Variants in PSMC5 observed in about 807,000 individuals in gnomAD.
The protein encoded by PSMC5 is proteasome 26S subunit, ATPase 5.
PSMC5 carries 11 observed loss-of-function variants against 49.1 expected under a neutral mutation model. The ratio of observed to expected loss-of-function variants is 0.22; its 90% confidence interval spans 0.14 to 0.37. The LOEUF is 0.37. PSMC5 is among the 10% of genes least tolerant of loss of function. The pLI, the probability that PSMC5 is intolerant of heterozygous loss-of-function variation, is 1.00. For synonymous variants in PSMC5, 206 were observed against 192.2 expected, an observed-to-expected ratio of 1.07 and a Z score of -0.59; for missense variants, 229 against 520.9, an observed-to-expected ratio of 0.44 and a Z score of 5.45.
In PSMC5 at chr17:63,831,493, T is replaced by C; in HGVS notation, c.970-13T>C. 6.2e-7 allele frequency: 1 copy of C among 1,613,894 alleles called. No individual in the cohort carries two copies. Among genetic ancestry groups the C allele is most frequent in the Middle Eastern group, 1.6e-4 (1 of 6,062 alleles). ...TGGGGTGTGGGGCTCAGGCTTTTCC[T>C]TGCCATCTCCAGGCCCGGCTGGACA... On this transcript the variant is annotated splice_polypyrimidine_tract_variant and intron_variant, in intron 9 of 11. Transcript: ENST00000310144. This position sits in a 1 kb window ranked among gnomAD's most constrained non-coding sequence, Gnocchi z 6.3.
At chr17:63,829,591 T>C (rs1279180028) in intron 3 of PSMC5, 28 bp downstream of exon 3, 1 of 1,550,784 alleles carries the variant, frequency 6.4e-7, no homozygotes, top group Non-Finnish European at 8.7e-7. Context: ...GGAAGCCGCA[T>C]GTGGGCAGTT....
chr17:63,828,178 A>G lies in PSMC5; in HGVS notation c.65A>G (p.Gln22Arg). 1 of 1,611,928 alleles carries G rather than the reference A, an allele frequency of 6.2e-7. No homozygotes were observed. Among genetic ancestry groups the G allele is most frequent in the South Asian group, 1.1e-5 (1 of 90,996 alleles). ...EEGKAGSGLR[Q>R]YYLSKIEELQ... ...GGGAAGGCAGGCAGCGGACTCCGCC[A>G]ATATTATCTGTCCAAGATTGAAGAA... Residue 22 changes from glutamine to arginine, a missense_variant, in exon 2 of 12, where the codon CAA (glutamine) becomes CGA (arginine). Coordinates refer to ENST00000310144, the MANE Select transcript of PSMC5 (RefSeq NM_002805.6).
rs1464296185 is a variant in PSMC5 at position 63,831,850 on chromosome 17, C to T, written c.1167+40C>T. ...CTTTGTGCCTTTGCCAGTGGTGGCT[C>T]TGGGGCAGTGGGCTAGGGCATGTGT... is the stretch of plus-strand genomic sequence containing the variant. On this transcript the variant is annotated intron_variant, in intron 11 of 11. Transcript: ENST00000310144. The surrounding 1 kb of genome is among the most constrained non-coding windows in gnomAD (Gnocchi z 6.3). The T allele has an allele frequency of 2.5e-6, 4 of 1,613,068 alleles. No individual in the cohort carries two copies. The highest frequency in any genetic ancestry group is 3.4e-6 in the Non-Finnish European group (4 of 1,179,158).
chr17:63,829,612 CT>C (rs1274566339), intron 3 of PSMC5, 49 bp downstream of exon 3: 1 of 1,511,488 alleles, frequency 6.6e-7, no homozygotes, highest in Non-Finnish European at 9.0e-7. Context: ...TGTCTGAGGT[CT>C]GTCCTTATCT....
At chr17:63,828,343 C>T (rs1474851398) in intron 2 of PSMC5, 134 bp downstream of exon 2, 15 of 829,864 alleles carry the variant, frequency 1.8e-5, no homozygotes, top group African/African-American at 3.4e-5. Context: ...TGTTTCTTAG[C>T]TAGTAGGGTG....
At chr17:63,829,649 GCT>G in intron 3 of PSMC5, 86 bp downstream of exon 3, 1 of 1,391,198 alleles carries the variant, frequency 7.2e-7, no homozygotes, top group Non-Finnish European at 1.0e-6. Context: ...TCACAGCAGT[GCT>G]TACTGTTTTC....
chr17:63,831,583 G>A lies in PSMC5; in HGVS notation c.1047G>A (p.Glu349=), dbSNP rs770501716. 8.1e-6 allele frequency: 13 copies of A among 1,614,136 alleles called. No individual in the cohort carries two copies. Among genetic ancestry groups the A allele is most frequent in the Non-Finnish European group, 1.1e-5 (13 of 1,180,038 alleles). The part of the protein sequence containing the change: ...TRGINLRKIA[E]LMPGASGAEV... Reference sequence around the variant, plus strand: ...GGATCAACCTGAGAAAAATTGCTGAGCTCATGCCAGGAGCATCAGGGGCTG... The same window carrying A: ...GGATCAACCTGAGAAAAATTGCTGAACTCATGCCAGGAGCATCAGGGGCTG... The change falls in exon 10 of 12, where the codon GAG becomes GAA. Residue 349 remains glutamate (E), a synonymous_variant. Transcript: ENST00000310144. The surrounding 1 kb of genome is among the most constrained non-coding windows in gnomAD (Gnocchi z 6.3).
chr17:63,831,620 A>C lies in PSMC5; in HGVS notation c.1080+4A>C. 6.2e-7 allele frequency: 1 copy of C among 1,614,062 alleles called. No homozygotes were observed. The highest frequency in any genetic ancestry group is 8.5e-7 in the Non-Finnish European group (1 of 1,179,922). Reference sequence around the variant, plus strand: ...AGCATCAGGGGCTGAAGTGAAGGTAATTGGAGTACCCACTGAAAACAGGGC... The same window carrying C: ...AGCATCAGGGGCTGAAGTGAAGGTACTTGGAGTACCCACTGAAAACAGGGC... On this transcript the variant is annotated splice_donor_region_variant and intron_variant, in intron 10 of 11. Transcript: ENST00000310144. This position sits in a 1 kb window ranked among gnomAD's most constrained non-coding sequence, Gnocchi z 6.3.
chr17:63,828,243 T>C, intron 2 of PSMC5, 34 bp downstream of exon 2: 1 of 1,600,614 alleles, frequency 6.2e-7, no homozygotes, highest in Non-Finnish European at 8.6e-7. Context: ...CTAGGAAGGG[T>C]GATGATGGGG....
At position 63,829,475 on chromosome 17, in the gene PSMC5, T is replaced by C. The variant is rs752100682; in HGVS notation, c.97-19T>C. 4.5e-6 allele frequency: 7 copies of C among 1,551,842 alleles called. No individual in the cohort carries two copies. The highest frequency in any genetic ancestry group is 3.3e-4 in the Middle Eastern group (2 of 5,994). ...TCTCCTGCCCTTGAATAATGGAATT[T>C]GTCTCTTGTCTGCCACAGCTGATTG... On this transcript the variant is annotated intron_variant, in intron 2 of 11. Coordinates refer to ENST00000310144, the MANE Select transcript of PSMC5 (RefSeq NM_002805.6).
intron 1 of PSMC5, 67 bp from the exon 2 acceptor site, chr17:63,828,071 G>A: frequency 6.4e-7 from 1 of 1,569,280 alleles, no homozygotes; most frequent in Non-Finnish European, 8.8e-7. Context: ...TATTCAAAGT[G>A]CCCTGCAAGT....
At position 63,830,544 on chromosome 17, in the gene PSMC5, T is replaced by C. The variant is rs535013343; in HGVS notation, c.552+43T>C. 1 of 1,603,250 alleles carries C rather than the reference T, an allele frequency of 6.2e-7. No individual in the cohort carries two copies. The highest frequency in any genetic ancestry group is 2.2e-5 in the East Asian group (1 of 44,570). ...TCTGAGAGGGCCAAGCTGTACTTACTCCTCCTGCCCCAGCCAGCCCTACTG... is the reference window on the plus strand; with the variant it reads ...TCTGAGAGGGCCAAGCTGTACTTACCCCTCCTGCCCCAGCCAGCCCTACTG... On this transcript the variant is annotated intron_variant, in intron 6 of 11. Transcript: ENST00000310144. The surrounding 1 kb of genome is among the most constrained non-coding windows in gnomAD (Gnocchi z 4.0).
Position 63,827,433 on chromosome 17 carries a change from T to C in PSMC5, c.-58T>C, listed in dbSNP as rs1010766858. The C allele has an allele frequency of 1.9e-6, 3 of 1,551,516 alleles. No homozygotes were observed. The highest frequency in any genetic ancestry group is 2.6e-6 in the Non-Finnish European group (3 of 1,146,936). ...TGGTCTTCAGGTCCCAATCCTCCGCTTCCGCGCTTGCGCGCCAAGACGGCT... is the reference window on the plus strand; with the variant it reads ...TGGTCTTCAGGTCCCAATCCTCCGCCTCCGCGCTTGCGCGCCAAGACGGCT... On this transcript the variant is annotated 5_prime_UTR_variant, in exon 1 of 12. Transcript: ENST00000310144.
chr17:63,830,210 G>A lies in PSMC5; in HGVS notation c.321+21G>A. The A allele has an allele frequency of 6.2e-7, 1 of 1,613,998 alleles. No homozygotes were observed. Among genetic ancestry groups the A allele is most frequent in the Non-Finnish European group, 8.5e-7 (1 of 1,179,940 alleles). The stretch of plus-strand genomic sequence containing the variant: ...ATGATGTGAGTGTAGCAGGTGAGGT[G>A]GTGGTGGTGGTGGGGTCAGCTCTTA... On this transcript the variant is annotated intron_variant, in intron 5 of 11. Transcript: ENST00000310144. This position sits in a 1 kb window ranked among gnomAD's most constrained non-coding sequence, Gnocchi z 4.0.
At chr17:63,828,993 A>G (rs1465527355) in intron 2 of PSMC5, 1 of 154,124 alleles carries the variant, frequency 6.5e-6, no homozygotes, top group Non-Finnish European at 1.4e-5. Flanking sequence ...TTAGTTTACC[A>G]TTTTTGAATG....
chr17:63,829,829 C>T, intron 3 of PSMC5, 23 bp from the exon 4 acceptor site: 2 of 1,611,066 alleles, frequency 1.2e-6, no homozygotes, highest in Non-Finnish European at 1.7e-6. Context: ...GCTAGGTGAC[C>T]ACTGTGTCTG....
intron 1 of PSMC5, chr17:63,827,911 A>G: frequency 7.2e-7 from 1 of 1,395,098 alleles, no homozygotes; most frequent in Non-Finnish European, 9.4e-7. Flanking sequence ...GGTCCTCCTA[A>G]AAGTCGTATG....
In PSMC5 at chr17:63,831,251, G is replaced by A; in HGVS notation, c.870+25G>A. 1 of 1,600,472 alleles carries A rather than the reference G, an allele frequency of 6.2e-7. No homozygotes were observed. The highest frequency in any genetic ancestry group is 2.2e-5 in the East Asian group (1 of 44,588). ...GGTAAGGTGGTAGCATCCTTGGGATGGGCCCAGGGAAGGCCTGGGTGCCAC... is the reference window on the plus strand; with the variant it reads ...GGTAAGGTGGTAGCATCCTTGGGATAGGCCCAGGGAAGGCCTGGGTGCCAC... On this transcript the variant is annotated intron_variant, in intron 8 of 11. Transcript: ENST00000310144. The surrounding 1 kb of genome is among the most constrained non-coding windows in gnomAD (Gnocchi z 6.3).
intron 2 of PSMC5, 53 bp downstream of exon 2, chr17:63,828,262 C>A: frequency 1.3e-6 from 2 of 1,549,030 alleles, no homozygotes; most frequent in Non-Finnish European, 1.8e-6. Context: ...GGGATGGAAA[C>A]GGACTTCCAC....
Sources: gnomAD v4.1 joint callset for allele counts on GRCh38, gnomAD v4.1.1 for gene constraint, Gnocchi (gnomAD v3.1) non-coding constraint, MANE v1.5 for transcripts, NCBI Gene and HGNC (gene_info 2026-07-23, HGNC 2026-07-21) for gene names.